Variants in ANKRD45 observed in about 807,000 individuals in gnomAD.
ANKRD45 encodes the protein ankyrin repeat domain-containing protein 45.
Under a neutral mutation model 28.1 loss-of-function variants are expected in ANKRD45, and 21 were observed. The observed-to-expected ratio is 0.75, with a 90% CI of 0.53 to 1.08. ANKRD45 has a LOEUF of 1.08. Ranked by LOEUF, ANKRD45 falls within the 50% of genes least tolerant of loss-of-function variation. ANKRD45 has a pLI of 0.00. For missense variants in ANKRD45, 261 were observed against 308.7 expected (o/e 0.85, Z 1.16); for synonymous variants, 86 against 103.9 (o/e 0.83, Z 1.05).
At chr1:173,665,898 C>G (rs1669995420) in intron 1 of ANKRD45, among the ~76,000 whole-genome samples, 2 of 151,816 alleles carry the variant, frequency 1.3e-5, no homozygotes, top group African/African-American at 4.8e-5. Context: ...CCTGTGGTCC[C>G]AGCTACTTGG....
intron 2 of ANKRD45, among the ~76,000 whole-genome samples, chr1:173,650,580 A>T (rs1471552030): frequency 6.6e-6 from 1 of 152,154 alleles, no homozygotes; most frequent in Non-Finnish European, 1.5e-5. Flanking sequence ...GTGTGTCTTT[A>T]TAGTAGCATG....
the ANKRD45 span, among the ~76,000 whole-genome samples, chr1:173,699,212 C>T: frequency 6.6e-6 from 1 of 152,056 alleles, no homozygotes; most frequent in Admixed American, 6.6e-5. Flanking sequence ...TCCAGGACCA[C>T]ATGGATTCAC....
intron 1 of ANKRD45, 108 bp downstream of exon 1, chr1:173,669,709 C>T (rs1670182073): frequency 3.3e-6 from 1 of 306,876 alleles, no homozygotes; most frequent in Admixed American, 4.3e-5. Flanking sequence ...GAAGCCCACT[C>T]CCCTCCAGCC....
the ANKRD45 span, among the ~76,000 whole-genome samples, chr1:173,681,002 G>T: frequency 6.6e-6 from 1 of 151,704 alleles, no homozygotes; most frequent in Non-Finnish European, 1.5e-5. Flanking sequence ...GATAGGGAAG[G>T]GATAGCATTA....
chr1:173,672,814 A>G (rs1257092792), upstream of ANKRD45, among the ~76,000 whole-genome samples: 1 of 152,126 alleles, frequency 6.6e-6, no homozygotes, highest in African/African-American at 2.4e-5. Context: ...GCTTGACCTG[A>G]GAGTATTGGA....
At chr1:173,654,399 T>C (rs1571762163) in intron 2 of ANKRD45, among the ~76,000 whole-genome samples, 1 of 152,334 alleles carries the variant, frequency 6.6e-6, no homozygotes, top group East Asian at 1.9e-4. Context: ...GAAAATTCTT[T>C]TCTTTAAGAA....
the ANKRD45 span, among the ~76,000 whole-genome samples, chr1:173,697,108 G>C: frequency 6.6e-6 from 1 of 152,140 alleles, no homozygotes; most frequent in Admixed American, 6.6e-5. Context: ...AAGAAGAGAA[G>C]TTTAGAGAAA....
chr1:173,654,845 T>C (rs1449416672), intron 2 of ANKRD45, among the ~76,000 whole-genome samples: 2 of 152,206 alleles, frequency 1.3e-5, no homozygotes, highest in African/African-American at 4.8e-5. Context: ...TTTCATTAAT[T>C]TGATCTTCAA....
At chr1:173,664,840 T>A (rs1384901265) in intron 1 of ANKRD45, among the ~76,000 whole-genome samples, 6 of 152,190 alleles carry the variant, frequency 3.9e-5, no homozygotes, top group Non-Finnish European at 7.3e-5. Flanking sequence ...AAGTCAAGCT[T>A]GCAATTCCCA....
the ANKRD45 span, among the ~76,000 whole-genome samples, chr1:173,713,784 C>T: frequency 1.3e-5 from 2 of 152,216 alleles, no homozygotes; most frequent in East Asian, 3.9e-4. Flanking sequence ...ACCCCTACCC[C>T]TTTCCCCAGA....
upstream of ANKRD45, among the ~76,000 whole-genome samples, chr1:173,671,684 C>G (rs1245100621): frequency 6.7e-6 from 1 of 149,594 alleles, no homozygotes; most frequent in Non-Finnish European, 1.5e-5. Flanking sequence ...TCCTGGCTAA[C>G]ACAGTGAAAC....
rs532114566 is a variant in ANKRD45 at position 173,651,000 on chromosome 1, T to A, written c.329-3987A>T. Among the ~76,000 whole-genome samples the A allele has an allele frequency of 3.3e-5, 5 of 152,354 alleles. No individual in the cohort carries two copies. In the South Asian group the frequency reaches 1.0e-3, roughly 32 times the overall value. Reference sequence around the variant, plus strand: ...GCAGATTCTGGATATTAGCCCTTTATCAGATGGGCAGATTGCAAAAATTTT... The same window carrying A: ...GCAGATTCTGGATATTAGCCCTTTAACAGATGGGCAGATTGCAAAAATTTT... On this transcript the variant is annotated intron_variant, in intron 2 of 5. Coordinates refer to ENST00000333279, the MANE Select transcript of ANKRD45 (RefSeq NM_198493.3).
chr1:173,669,485 A>G, intron 1 of ANKRD45: 1 of 455,938 alleles, frequency 2.2e-6, no homozygotes, highest in South Asian at 1.5e-5. Context: ...AGAGTTAAAC[A>G]AAGAGAAGGC....
chr1:173,629,156 G>A (rs937846150), intron 3 of ANKRD45, among the ~76,000 whole-genome samples: 1 of 152,150 alleles, frequency 6.6e-6, no homozygotes, highest in Non-Finnish European at 1.5e-5. Flanking sequence ...CTTCAAATAC[G>A]TAGAAAGCCT....
intron 3 of ANKRD45, among the ~76,000 whole-genome samples, chr1:173,637,345 C>CA (rs1668495361): frequency 6.6e-6 from 1 of 152,194 alleles, no homozygotes; most frequent in South Asian, 2.1e-4. Context: ...AAAATTTACT[C>CA]AAAGACCTGT....
intron 5 of ANKRD45, chr1:173,612,733 GGCGC>G (rs1022059528): frequency 1.9e-5 from 3 of 158,294 alleles, no homozygotes; most frequent in African/African-American, 7.2e-5. Context: ...TGCAATTGCA[GGCGC>G]GCGCCGCCAC....
chr1:173,709,572 G>C, the ANKRD45 span, among the ~76,000 whole-genome samples: 1 of 152,092 alleles, frequency 6.6e-6, no homozygotes, highest in African/African-American at 2.4e-5. Context: ...CCATCTTAAA[G>C]GCTGCACACC....
chr1:173,651,365 CTTGTT>C (rs1669211081), intron 2 of ANKRD45, among the ~76,000 whole-genome samples: 1 of 152,160 alleles, frequency 6.6e-6, no homozygotes, highest in African/African-American at 2.4e-5. Context: ...TTCCCCATTT[CTTGTT>C]TTTGTCGGGT....
At chr1:173,668,948 A>C (rs995877179) in intron 1 of ANKRD45, among the ~76,000 whole-genome samples, 1 of 152,230 alleles carries the variant, frequency 6.6e-6, no homozygotes, top group Non-Finnish European at 1.5e-5. Context: ...TGAAATGAGG[A>C]TAGCACCTGG....
Sources: allele counts gnomAD v4.1 joint callset (sites outside exome capture counted in the v4.1 genomes callset), GRCh38; gene constraint gnomAD v4.1.1; transcripts MANE v1.5; gene names NCBI Gene and HGNC (gene_info 2026-07-23, HGNC 2026-07-21).